The following SLC28A2 variants were observed in gnomAD, a reference collection of about 807,000 sequenced individuals.
The protein encoded by SLC28A2 is solute carrier family 28 member 2.
SLC28A2 carries 69 observed loss-of-function variants against 72.9 expected under a neutral mutation model. That is an observed-to-expected ratio of 0.95 (90% CI 0.78 to 1.16). SLC28A2 has a LOEUF of 1.16. Ranked by LOEUF, SLC28A2 falls within the 50% of genes most tolerant of loss-of-function variation. The pLI is 0.00. For missense variants in SLC28A2, 745 were observed against 791.1 expected, an observed-to-expected ratio of 0.94 and a Z score of 0.70; for synonymous variants, 296 against 294.1, an observed-to-expected ratio of 1.01 and a Z score of -0.07.
chr15:45,258,627 G>C (rs1194340085), intron 3 of SLC28A2, among the ~76,000 whole-genome samples: 5 of 152,036 alleles, frequency 3.3e-5, no homozygotes, highest in African/African-American at 1.2e-4. Flanking sequence ...TGCTTCTTTT[G>C]CTTTACATTG....
chr15:45,271,894 T>C (rs1187700082), intron 15 of SLC28A2: 2 of 172,540 alleles, frequency 1.2e-5, no homozygotes, highest in Non-Finnish European at 2.5e-5. Flanking sequence ...ACAATGAGTG[T>C]TGCTTTCCTT....
chr15:45,263,260 C>A lies in SLC28A2; in HGVS notation c.446+16C>A. The A allele has an allele frequency of 6.2e-7, 1 of 1,610,590 alleles. No individual in the cohort carries two copies. The highest frequency in any genetic ancestry group is 1.1e-5 in the South Asian group (1 of 90,492). On this transcript the variant is annotated intron_variant, in intron 5 of 17. Transcript: ENST00000347644. ...GGACGAAATGGTAAGATAAGAATCT[C>A]AATACCTGGCCTCACAGCTTATCCC... is the stretch of plus-strand genomic sequence containing the variant.
Position 45,272,739 on chromosome 15 carries a change from A to G in SLC28A2, c.1814A>G (p.Asn605Ser), listed in dbSNP as rs373405505. Residue 605 changes from asparagine (N) to serine (S), a missense_variant, in exon 17 of 18, where the codon AAT (asparagine) becomes AGT (serine). Asn to Ser is a conservative substitution (Grantham distance 46, BLOSUM62 1). Coordinates refer to ENST00000347644, the MANE Select transcript of SLC28A2 (RefSeq NM_004212.4). ...TCCTTCCCAAACACAAGTTTCACCAATAGAACCTATGAGACCTACATGTGC... is the reference window on the plus strand; with the variant it reads ...TCCTTCCCAAACACAAGTTTCACCAGTAGAACCTATGAGACCTACATGTGC... ...CVSFPNTSFTNRTYETYMCCR... is the reference protein window; with the variant it reads ...CVSFPNTSFTSRTYETYMCCR... 32 of 1,612,922 alleles carry G rather than the reference A, an allele frequency of 2.0e-5. No homozygotes were observed. The highest frequency in any genetic ancestry group is 4.0e-5 in the African/African-American group (3 of 74,894).
chr15:45,269,480 A>G lies in SLC28A2; in HGVS notation c.1511A>G (p.Asn504Ser), dbSNP rs756195980. 36 of 1,614,050 alleles carry G rather than the reference A, an allele frequency of 2.2e-5. No individual in the cohort carries two copies. The highest frequency in any genetic ancestry group is 2.9e-5 in the Non-Finnish European group (34 of 1,180,002). ...VAYQQLSQYK[N>S]KRLSGMEEWI... ...TATCAGCAACTGTCTCAATACAAGAACAAACGTCTCTCTGGAATGGAGGAG... is the reference window on the plus strand; with the variant it reads ...TATCAGCAACTGTCTCAATACAAGAGCAAACGTCTCTCTGGAATGGAGGAG... The change falls in exon 14 of 18, where the codon AAC (asparagine) becomes AGC (serine). Residue 504 changes from asparagine (N) to serine (S), a missense_variant. Asn to Ser is a conservative substitution (Grantham distance 46, BLOSUM62 1). Coordinates refer to ENST00000347644, the MANE Select transcript of SLC28A2 (RefSeq NM_004212.4).
intron 6 of SLC28A2, 46 bp from the exon 7 acceptor site, chr15:45,264,609 T>C: frequency 7.8e-7 from 1 of 1,280,504 alleles, no homozygotes. Context: ...AACCAGGTAA[T>C]GGACTAGCAG....
intron 17 of SLC28A2, among the ~76,000 whole-genome samples, chr15:45,274,660 C>T (rs912327864): frequency 1.3e-5 from 2 of 151,992 alleles, no homozygotes; most frequent in Non-Finnish European, 2.9e-5. Context: ...AGGCAACTAA[C>T]ATATTTTTTT....
chr15:45,262,060 A>T lies in SLC28A2; in HGVS notation c.216A>T (p.Thr72=). 1 of 1,613,826 alleles carries T rather than the reference A, an allele frequency of 6.2e-7. No individual in the cohort carries two copies. The part of the protein sequence containing the change: ...PFSKARSFCK[T]HASLFKKILL... ...GCAAAGCAAGAAGTTTCTGCAAAACACACGCCAGCTTGTTCAAGAAGATCC... is the reference window on the plus strand; with the variant it reads ...GCAAAGCAAGAAGTTTCTGCAAAACTCACGCCAGCTTGTTCAAGAAGATCC... The change falls in exon 4 of 18, where the codon ACA becomes ACT. Residue 72 remains threonine, a synonymous_variant. Transcript: ENST00000347644.
chr15:45,253,714 G>A (rs1035356304), intron 3 of SLC28A2, 194 bp downstream of exon 3: 1 of 473,534 alleles, frequency 2.1e-6, no homozygotes, highest in Non-Finnish European at 3.8e-6. Context: ...TATCAGTGTT[G>A]GTTGGACTGA....
At chr15:45,262,205 A>G in intron 4 of SLC28A2, 99 bp downstream of exon 4, 1 of 786,950 alleles carries the variant, frequency 1.3e-6, no homozygotes, top group African/African-American at 1.7e-5. Context: ...TTTATTCAAA[A>G]CTGATCTAAA....
In SLC28A2 at chr15:45,269,412, T is replaced by A. The variant is rs1437531090; in HGVS notation, c.1443T>A (p.Ala481=). 2 of 1,613,944 alleles carry A rather than the reference T, an allele frequency of 1.2e-6. No homozygotes were observed. Among genetic ancestry groups the A allele is most frequent in the Non-Finnish European group, 1.7e-6 (2 of 1,179,942 alleles). Reference sequence around the variant, plus strand: ...AGTGGACAGACTGTCCAATGGTGGCTGAGATGGTGGGAATCAAGTTCTTCA... The same window carrying A: ...AGTGGACAGACTGTCCAATGGTGGCAGAGATGGTGGGAATCAAGTTCTTCA... The part of the protein sequence containing the change: ...GVEWTDCPMV[A]EMVGIKFFIN... The change falls in exon 14 of 18, where the codon GCT becomes GCA. Residue 481 remains alanine, a synonymous_variant. Transcript: ENST00000347644.
intron 6 of SLC28A2, 132 bp downstream of exon 6, chr15:45,264,154 C>T: frequency 1.2e-6 from 1 of 850,456 alleles, no homozygotes; most frequent in Non-Finnish European, 1.7e-6. Flanking sequence ...GAATTTGCCT[C>T]TTTGATAATT....
intron 17 of SLC28A2, among the ~76,000 whole-genome samples, chr15:45,274,172 G>C (rs999311758): frequency 2.6e-5 from 4 of 152,132 alleles, no homozygotes; most frequent in Admixed American, 2.6e-4. Context: ...CTCAGGTCGG[G>C]CTTCAAGAGA....
chr15:45,265,404 T>TAGTACTGGTGGGAC, intron 8 of SLC28A2, among the ~76,000 whole-genome samples, 179 bp from the exon 9 acceptor site: 1 of 152,206 alleles, frequency 6.6e-6, no homozygotes, highest in South Asian at 2.1e-4. Context: ...GCTTGTGGTT[T>TAGTACTGGTGGGAC]AGTACTGGTG....
intron 2 of SLC28A2, 62 bp from the exon 3 acceptor site, chr15:45,253,370 C>T: frequency 6.4e-7 from 1 of 1,563,762 alleles, no homozygotes; most frequent in Non-Finnish European, 8.8e-7. Context: ...TTTGGCTGCT[C>T]TCAATCCCCA....
intron 3 of SLC28A2, among the ~76,000 whole-genome samples, chr15:45,261,676 T>C (rs1900168201): frequency 6.6e-6 from 1 of 152,132 alleles, no homozygotes; most frequent in South Asian, 2.1e-4. Context: ...ACAGGCCCTC[T>C]TGTGAATATG....
Position 45,275,578 on chromosome 15 carries a change from T to C in SLC28A2, c.*65T>C. ...AGCTTTGTGATTGCAAAGGTGTTTA[T>C]GTACTCAGGGTGCCCACAACTCACT... On this transcript the variant is annotated 3_prime_UTR_variant, in exon 18 of 18. Transcript: ENST00000347644. 1.0e-6 allele frequency: 1 copy of C among 999,424 alleles called. No homozygotes were observed. Among genetic ancestry groups the C allele is most frequent in the Non-Finnish European group, 1.6e-6 (1 of 633,122 alleles). The allele number at this position is 999,424 out of a possible 1,614,324, so 61.9% of individuals were successfully genotyped here.
chr15:45,270,306 G>A, intron 15 of SLC28A2, 30 bp downstream of exon 15: 5 of 1,481,534 alleles, frequency 3.4e-6, no homozygotes, highest in South Asian at 2.3e-5. Context: ...CAGCTCCCCA[G>A]TAAGACAGCC....
chr15:45,253,445 A>G lies in SLC28A2; in HGVS notation c.95A>G (p.Glu32Gly). 6.2e-7 allele frequency: 1 copy of G among 1,613,706 alleles called. No individual in the cohort carries two copies. The highest frequency in any genetic ancestry group is 8.5e-7 in the Non-Finnish European group (1 of 1,179,632). Reference protein sequence around the residue: ...PGLELMEKEVEPEGSKRTDAQ... With the variant: ...PGLELMEKEVGPEGSKRTDAQ... ...CTGTGCTTGTAGGAAAAAGAAGTAG[A>G]GCCTGAGGGAAGCAAGAGGACTGAC... Residue 32 changes from glutamate to glycine, a missense_variant, in exon 3 of 18, where the codon GAG becomes GGG. Physicochemically the swap from Glu to Gly is moderately conservative, Grantham distance 98. Transcript: ENST00000347644.
chr15:45,261,678 G>A (rs1900168330), intron 3 of SLC28A2, among the ~76,000 whole-genome samples: 1 of 152,126 alleles, frequency 6.6e-6, no homozygotes, highest in African/African-American at 2.4e-5. Flanking sequence ...AGGCCCTCTT[G>A]TGAATATGGA....
Sources: gnomAD v4.1 joint callset for allele counts (sites outside exome capture counted in the v4.1 genomes callset) on GRCh38, gnomAD v4.1.1 for gene constraint, MANE v1.5 for transcripts, NCBI Gene and HGNC (gene_info 2026-07-23, HGNC 2026-07-21) for gene names.